The following UNC79 variants were observed in gnomAD, a reference collection of about 807,000 sequenced individuals.
UNC79 encodes unc-79 subunit of NALCN channel complex, also known as protein unc-79 homolog.
UNC79 carries 37 observed loss-of-function variants against 283.1 expected under a neutral mutation model. The observed-to-expected ratio is 0.13, with a 90% CI of 0.10 to 0.17. The LOEUF is 0.17. Among genes scored for constraint, UNC79 ranks in the 10% least tolerant of loss-of-function variants. The pLI, the probability that UNC79 is intolerant of heterozygous loss-of-function variation, is 1.00. For missense variants in UNC79, 2,272 were observed against 3,211.1 expected, an observed-to-expected ratio of 0.71 and a Z score of 7.07; for synonymous variants, 1,107 against 1,200.2, an observed-to-expected ratio of 0.92 and a Z score of 1.61.
chr14:93,396,674 C>A (rs116288850), intron 1 of UNC79, among the ~76,000 whole-genome samples: 2 of 151,926 alleles, frequency 1.3e-5, no homozygotes, highest in East Asian at 3.9e-4. Context: ...CTATTGAAGT[C>A]TCTGCTTGGT....
chr14:93,542,614 C>T (rs2061427833), exon 14 of UNC79: 1 of 1,614,194 alleles, frequency 6.2e-7, no homozygotes, highest in African/African-American at 1.3e-5. Flanking sequence ...CAGTTTGTCA[C>T]CAAATGGCTG....
intron 1 of UNC79, among the ~76,000 whole-genome samples, chr14:93,363,286 G>C (rs2054262587): frequency 6.6e-6 from 1 of 152,064 alleles, no homozygotes; most frequent in Non-Finnish European, 1.5e-5. Flanking sequence ...GAGAGCTCTT[G>C]GTATTGATTT....
intron 15 of UNC79, 81 bp downstream of exon 15, chr14:93,572,165 C>A: frequency 7.0e-7 from 1 of 1,419,594 alleles, no homozygotes; most frequent in East Asian, 2.4e-5. Context: ...GCCGGTCACC[C>A]TACTAAGCGT....
intron 35 of UNC79, among the ~76,000 whole-genome samples, chr14:93,647,154 A>G (rs1440218947): frequency 6.6e-6 from 1 of 152,236 alleles, no homozygotes; most frequent in South Asian, 2.1e-4. Context: ...CTATGAAGAA[A>G]AAGTACAGAG....
In UNC79 at chr14:93,472,701, A is replaced by G. The variant is rs2057580988; in HGVS notation, c.144-1388A>G. Among the ~76,000 whole-genome samples the G allele has an allele frequency of 3.3e-5, 5 of 152,260 alleles. No homozygotes were observed. The South Asian group carries it at 1.0e-3, about 32-fold the overall frequency. Reference sequence around the variant, plus strand: ...AAAATAAATGCAAACTTGATAGAGCAAGCATGCTTGACACTAACCAATTCT... The same window carrying G: ...AAAATAAATGCAAACTTGATAGAGCGAGCATGCTTGACACTAACCAATTCT... On this transcript the variant is annotated intron_variant, in intron 2 of 48. Coordinates refer to ENST00000555664, the Ensembl canonical transcript of UNC79.
At chr14:93,478,414 T>C (rs1414259364) in intron 4 of UNC79, among the ~76,000 whole-genome samples, 1 of 152,226 alleles carries the variant, frequency 6.6e-6, no homozygotes, top group African/African-American at 2.4e-5. Context: ...TTGTGGTTTT[T>C]ATGATCAAAA....
intron 20 of UNC79, among the ~76,000 whole-genome samples, chr14:93,583,413 G>A (rs1175252485): frequency 6.6e-6 from 1 of 152,182 alleles, no homozygotes. Context: ...TTTCTTCAGT[G>A]AGCAGCAGAT....
At chr14:93,426,369 T>C (rs2055725686), upstream of UNC79, among the ~76,000 whole-genome samples, 1 of 151,458 alleles carries the variant, frequency 6.6e-6, no homozygotes, top group African/African-American at 2.4e-5. Flanking sequence ...TCTGTAAATT[T>C]TTTTTGTCAC....
At chr14:93,351,232 C>T (rs1248191496) in intron 1 of UNC79, among the ~76,000 whole-genome samples, 4 of 152,010 alleles carry the variant, frequency 2.6e-5, no homozygotes, top group East Asian at 1.9e-4. Context: ...ATATTATATT[C>T]GTAGGTTTTT....
chr14:93,449,400 G>T (rs2056563056), intron 1 of UNC79, among the ~76,000 whole-genome samples: 1 of 151,966 alleles, frequency 6.6e-6, no homozygotes, highest in African/African-American at 2.4e-5. Context: ...TCTGTTTCTG[G>T]GTCAAAATGA....
exon 20 of UNC79, chr14:93,582,271 G>T (rs775964343): frequency 6.2e-6 from 10 of 1,613,968 alleles, no homozygotes; most frequent in Non-Finnish European, 7.6e-6. Context: ...GCCCTGAAGG[G>T]GAGGAGGAGG....
intron 40 of UNC79, among the ~76,000 whole-genome samples, chr14:93,669,470 C>G (rs1378906125): frequency 6.6e-6 from 1 of 152,062 alleles, no homozygotes; most frequent in African/African-American, 2.4e-5. Context: ...GATCCAGAAC[C>G]TACCAAGAAT....
At position 93,354,564 on chromosome 14, in the gene UNC79, C is replaced by T. The variant is rs773186272; in HGVS notation, c.-351+21041C>T. Among the ~76,000 whole-genome samples the T allele has an allele frequency of 6.6e-5, 10 of 152,174 alleles. No homozygotes were observed. In the East Asian group the frequency reaches 7.7e-4, roughly 12 times the overall value. ...CCAGGCTGGAATGTAGTGGTGCTAT[C>T]GTGGCTTACTGTACCCTTGACATCC... On this transcript the variant is annotated intron_variant, in intron 1 of 49. Transcript: ENST00000256339.
Position 93,411,613 on chromosome 14 carries a change from G to C in UNC79, c.-350-56058G>C, listed in dbSNP as rs534833924. Among the ~76,000 whole-genome samples, 13 of 152,308 alleles carry C rather than the reference G, an allele frequency of 8.5e-5. No homozygotes were observed. The South Asian group carries it at 2.7e-3, about 32-fold the overall frequency. On this transcript the variant is annotated intron_variant, in intron 1 of 49. Transcript: ENST00000256339. Reference sequence around the variant, plus strand: ...AGAGAAAGAGAGACTCCATTTTTTTGACAGAGAGTAAGGGAAGAAAACAAG... The same window carrying C: ...AGAGAAAGAGAGACTCCATTTTTTTCACAGAGAGTAAGGGAAGAAAACAAG...
chr14:93,685,485 T>G (rs1728581213), intron 42 of UNC79, among the ~76,000 whole-genome samples: 1 of 152,210 alleles, frequency 6.6e-6, no homozygotes, highest in Admixed American at 6.5e-5. Flanking sequence ...GAAAACACTC[T>G]GACAGACTGC....
At chr14:93,409,704 A>T (rs2055297251) in intron 1 of UNC79, among the ~76,000 whole-genome samples, 1 of 152,150 alleles carries the variant, frequency 6.6e-6, no homozygotes, top group Non-Finnish European at 1.5e-5. Context: ...AAATAAATAA[A>T]TGGAAACATA....
intron 1 of UNC79, among the ~76,000 whole-genome samples, chr14:93,360,434 G>A (rs766252359): frequency 6.6e-6 from 1 of 152,198 alleles, no homozygotes. Context: ...GTGGATTATC[G>A]TAAGTTTAAC....
chr14:93,686,738 G>A (rs2074270376), intron 43 of UNC79, 77 bp downstream of exon 46: 17 of 1,533,914 alleles, frequency 1.1e-5, no homozygotes, highest in Non-Finnish European at 1.5e-5. Context: ...AGACCATAGG[G>A]AACTTATCGC....
In UNC79 at chr14:93,519,581, G is replaced by C. The variant is rs920440040; in HGVS notation, c.899-4397G>C. Among the ~76,000 whole-genome samples the C allele has an allele frequency of 4.0e-5, 6 of 151,720 alleles. No homozygotes were observed. The South Asian group carries it at 1.0e-3, about 26-fold the overall frequency. On this transcript the variant is annotated intron_variant, in intron 7 of 48. Transcript: ENST00000555664. ...CCTATCATGATACACTTGTATGACT[G>C]AAGCCTATCATGTTACACTTGTTTT...
Sources: gnomAD v4.1 joint callset for allele counts (sites outside exome capture counted in the v4.1 genomes callset) on GRCh38, gnomAD v4.1.1 for gene constraint, MANE v1.5 for transcripts, NCBI Gene and HGNC (gene_info 2026-07-23, HGNC 2026-07-21) for gene names.